DYNC1I1: variants seen among roughly 807,000 people sequenced by gnomAD.
DYNC1I1 encodes cytoplasmic dynein 1 intermediate chain 1.
In DYNC1I1, 43 loss-of-function variants were observed where a neutral mutation model predicts 86.6. That is an observed-to-expected ratio of 0.50 (90% CI 0.39 to 0.64). DYNC1I1 has a LOEUF of 0.64. Ranked by LOEUF, DYNC1I1 falls within the 30% of genes least tolerant of loss-of-function variation. DYNC1I1 has a pLI of 0.00. For synonymous variants in DYNC1I1, 262 were observed against 283.7 expected (o/e 0.92, Z 0.77); for missense variants, 604 against 788.8 (o/e 0.77, Z 2.81).
At chr7:95,985,372 A>C (rs1217112675) in intron 8 of DYNC1I1, among the ~76,000 whole-genome samples, 2 of 152,190 alleles carry the variant, frequency 1.3e-5, no homozygotes, top group African/African-American at 4.8e-5. Flanking sequence ...GGGAGAAGTT[A>C]ACTGATGTGT....
At chr7:95,853,537 AG>A (rs1177837814) in intron 5 of DYNC1I1, among the ~76,000 whole-genome samples, 1 of 152,236 alleles carries the variant, frequency 6.6e-6, no homozygotes, top group African/African-American at 2.4e-5. Context: ...CACAAAATAA[AG>A]TAAGACATTA....
chr7:95,940,364 G>T (rs1368146941), intron 6 of DYNC1I1, among the ~76,000 whole-genome samples: 2 of 152,112 alleles, frequency 1.3e-5, no homozygotes, highest in Non-Finnish European at 2.9e-5. Context: ...GATTGGGGAA[G>T]TTCTCCTGGA....
chr7:96,066,133 G>C (rs887182949), intron 14 of DYNC1I1, among the ~76,000 whole-genome samples: 2 of 152,136 alleles, frequency 1.3e-5, no homozygotes, highest in African/African-American at 4.8e-5. Flanking sequence ...AATCCTCAGA[G>C]TTCACTCAGG....
At chr7:95,885,039 T>A (rs1584126263) in intron 6 of DYNC1I1, among the ~76,000 whole-genome samples, 2 of 152,262 alleles carry the variant, frequency 1.3e-5, no homozygotes, top group African/African-American at 4.8e-5. Context: ...GATGTCTTTC[T>A]TAATGTTTCC....
chr7:95,892,361 G>A (rs1289176206), intron 6 of DYNC1I1, among the ~76,000 whole-genome samples: 5 of 151,758 alleles, frequency 3.3e-5, no homozygotes, highest in Non-Finnish European at 7.4e-5. Flanking sequence ...CCAGGCGGGA[G>A]TGCAGTGGCG....
chr7:96,033,003 C>A (rs1313149010), intron 12 of DYNC1I1, among the ~76,000 whole-genome samples: 1 of 152,198 alleles, frequency 6.6e-6, no homozygotes, highest in East Asian at 1.9e-4. Flanking sequence ...ATCCTTAGGT[C>A]AGTTTCAAGT....
chr7:96,012,351 C>T (rs1794296237), intron 10 of DYNC1I1, among the ~76,000 whole-genome samples: 2 of 152,122 alleles, frequency 1.3e-5, no homozygotes, highest in African/African-American at 4.8e-5. Flanking sequence ...GATTACCATC[C>T]TTTCTTTTTT....
intron 10 of DYNC1I1, among the ~76,000 whole-genome samples, chr7:96,005,683 T>C (rs1051908373): frequency 6.6e-6 from 1 of 152,182 alleles, no homozygotes; most frequent in Non-Finnish European, 1.5e-5. Flanking sequence ...TCGTGTATCC[T>C]ACCAGCAGCA....
intron 7 of DYNC1I1, among the ~76,000 whole-genome samples, chr7:95,982,483 A>G (rs1202397482): frequency 1.3e-5 from 2 of 152,192 alleles, no homozygotes; most frequent in African/African-American, 4.8e-5. Flanking sequence ...CAAAGTGACA[A>G]TAAGCTACAG....
Position 96,039,276 on chromosome 7 carries a change from G to A in DYNC1I1, c.1365-1G>A. Reference sequence around the variant, plus strand: ...TCTGCTCATGTGTGCTCTTCCTACAGCAAAGCAGGTATTGGTGAGGTCTTT... The same window carrying A: ...TCTGCTCATGTGTGCTCTTCCTACAACAAAGCAGGTATTGGTGAGGTCTTT... On this transcript the variant is annotated splice_acceptor_variant, in intron 13 of 16. Transcript: ENST00000447467. LOFTEE classifies it high-confidence loss of function. 1 of 1,613,380 alleles carries A rather than the reference G, an allele frequency of 6.2e-7. No homozygotes were observed. The highest frequency in any genetic ancestry group is 8.5e-7 in the Non-Finnish European group (1 of 1,179,628).
intron 6 of DYNC1I1, among the ~76,000 whole-genome samples, chr7:95,890,454 G>A (rs1203477452): frequency 6.6e-6 from 1 of 152,116 alleles, no homozygotes; most frequent in Non-Finnish European, 1.5e-5. Flanking sequence ...GGAGGAGGAA[G>A]GGAGAGGATC....
chr7:96,032,844 C>T lies in DYNC1I1; in HGVS notation c.1230+64C>T, dbSNP rs1035205197. 35 of 1,404,070 alleles carry T rather than the reference C, an allele frequency of 2.5e-5. No homozygotes were observed. The Middle Eastern group carries it at 9.0e-4, about 36-fold the overall frequency. The allele number at this position is 1,404,070 out of a possible 1,614,324, so 87.0% of individuals were successfully genotyped here. ...TAAAAGAGATACCTACTTAATGGAA[C>T]ATAGTTCCTAAAAGCCAAACCCTCA... On this transcript the variant is annotated intron_variant, in intron 12 of 16. Transcript: ENST00000447467.
At chr7:95,877,605 A>C (rs996586929) in intron 6 of DYNC1I1, among the ~76,000 whole-genome samples, 1 of 152,244 alleles carries the variant, frequency 6.6e-6, no homozygotes, top group Non-Finnish European at 1.5e-5. Flanking sequence ...TCCTCAAAAC[A>C]ATCAAGATAG....
chr7:95,943,016 T>C (rs1473845719), intron 6 of DYNC1I1, among the ~76,000 whole-genome samples: 10 of 106,234 alleles, frequency 9.4e-5, no homozygotes, highest in Admixed American at 5.5e-4. Context: ...TGGGAAGTTC[T>C]GACCAGGGCA....
chr7:95,773,720 G>T (rs1793768458), intron 1 of DYNC1I1, among the ~76,000 whole-genome samples: 3 of 152,170 alleles, frequency 2.0e-5, no homozygotes, highest in Non-Finnish European at 2.9e-5. Context: ...TTGTAGTTCA[G>T]AGTTGTGAAG....
At position 96,014,126 on chromosome 7, in the gene DYNC1I1, C is replaced by T. The variant is rs140591217; in HGVS notation, c.970-14049C>T. Among the ~76,000 whole-genome samples, 4 of 152,212 alleles carry T rather than the reference C, an allele frequency of 2.6e-5. No homozygotes were observed. The East Asian group carries it at 7.8e-4, about 29-fold the overall frequency. ...TCAAATCATTTTTTACTTAGGAGGA[C>T]TCATCTATAGAACAGAGTCATGCTT... On this transcript the variant is annotated intron_variant, in intron 10 of 16. Coordinates refer to ENST00000447467, the MANE Select transcript of DYNC1I1 (RefSeq NM_001135556.2).
chr7:96,055,549 T>G (rs2116134229), intron 14 of DYNC1I1, among the ~76,000 whole-genome samples: 1 of 152,262 alleles, frequency 6.6e-6, no homozygotes, highest in South Asian at 2.1e-4. Flanking sequence ...AAAGTAGTAA[T>G]TACTTCTAAT....
At chr7:95,795,912 T>A (rs1794424282) in intron 1 of DYNC1I1, among the ~76,000 whole-genome samples, 1 of 150,692 alleles carries the variant, frequency 6.6e-6, no homozygotes, top group Non-Finnish European at 1.5e-5. Flanking sequence ...AAAAGTAAAA[T>A]GAATTAAAAA....
chr7:95,960,221 C>T (rs2116506188), intron 6 of DYNC1I1, among the ~76,000 whole-genome samples: 1 of 152,284 alleles, frequency 6.6e-6, no homozygotes, highest in South Asian at 2.1e-4. Context: ...ATTCAACTGC[C>T]TCAGCCTCCC....
Sources: gnomAD v4.1 joint callset for allele counts (sites outside exome capture counted in the v4.1 genomes callset) on GRCh38, gnomAD v4.1.1 for gene constraint, MANE v1.5 for transcripts, NCBI Gene and HGNC (gene_info 2026-07-23, HGNC 2026-07-21) for gene names.